DCC: variants seen among roughly 807,000 people sequenced by gnomAD.
DCC encodes the protein DCC netrin 1 receptor.
DCC carries 58 observed loss-of-function variants against 172.5 expected under a neutral mutation model. The observed-to-expected ratio is 0.34, with a 90% CI of 0.27 to 0.42. DCC has a LOEUF of 0.42. DCC is among the 10% of genes least tolerant of loss of function. The probability of loss-of-function intolerance (pLI) is 1.00; values close to 1 mark genes in which losing one functional copy is unlikely to be tolerated. For missense variants in DCC, 1,740 were observed against 1,791.0 expected (o/e 0.97, Z 0.51); for synonymous variants, 709 against 644.5 (o/e 1.10, Z -1.52).
intron 1 of DCC, among the ~76,000 whole-genome samples, chr18:52,429,421 T>C (rs1239837084): frequency 6.6e-6 from 1 of 152,128 alleles, no homozygotes; most frequent in Non-Finnish European, 1.5e-5. Context: ...CTTTTTAGGA[T>C]GCTAAAGCAC....
At chr18:52,757,950 G>A (rs8082968) in intron 2 of DCC, among the ~76,000 whole-genome samples, 1 of 151,916 alleles carries the variant, frequency 6.6e-6, no homozygotes, top group Non-Finnish European at 1.5e-5. Flanking sequence ...ATTTCAGAAC[G>A]CTGTAAACAA....
intron 1 of DCC, among the ~76,000 whole-genome samples, chr18:52,730,136 G>C (rs896907321): frequency 6.6e-6 from 1 of 152,142 alleles, no homozygotes. Flanking sequence ...GATTATGTAA[G>C]AGTAGAGGGC....
intron 25 of DCC, among the ~76,000 whole-genome samples, chr18:53,479,554 GA>G (rs2045807459): frequency 6.6e-6 from 1 of 152,192 alleles, no homozygotes; most frequent in Admixed American, 6.6e-5. Flanking sequence ...GAGTTATGCA[GA>G]CACAGTCAGA....
chr18:53,199,769 G>A (rs2055507073), intron 9 of DCC, among the ~76,000 whole-genome samples: 2 of 151,960 alleles, frequency 1.3e-5, no homozygotes, highest in Admixed American at 1.3e-4. Flanking sequence ...TATCTAACAA[G>A]CAAGCACTAT....
At chr18:53,130,865 G>A (rs770364118) in intron 7 of DCC, among the ~76,000 whole-genome samples, 37 of 151,728 alleles carry the variant, frequency 2.4e-4, no homozygotes, top group Non-Finnish European at 4.6e-4. Context: ...TTTTTTTCTC[G>A]ATTTCTGTGT....
At chr18:53,008,060 A>G (rs1156702283) in intron 5 of DCC, among the ~76,000 whole-genome samples, 1 of 152,144 alleles carries the variant, frequency 6.6e-6, no homozygotes, top group Non-Finnish European at 1.5e-5. Context: ...CAACACCAGA[A>G]TTTGTGCATA....
intron 8 of DCC, among the ~76,000 whole-genome samples, chr18:53,174,869 A>G (rs1381113242): frequency 6.6e-6 from 1 of 150,642 alleles, no homozygotes; most frequent in Non-Finnish European, 1.5e-5. Context: ...CAGAGACACA[A>G]CAAAAAAAGA....
At chr18:52,844,431 A>G (rs1177474069) in intron 2 of DCC, among the ~76,000 whole-genome samples, 1 of 152,180 alleles carries the variant, frequency 6.6e-6, no homozygotes, top group East Asian at 1.9e-4. Context: ...CCTTGGTCTC[A>G]TTAATACATG....
At chr18:53,192,476 C>T (rs369283758) in intron 9 of DCC, among the ~76,000 whole-genome samples, 3 of 151,930 alleles carry the variant, frequency 2.0e-5, no homozygotes, top group Non-Finnish European at 2.9e-5. Flanking sequence ...AAAAAAAGAT[C>T]AAGGTGTAAG....
intron 1 of DCC, among the ~76,000 whole-genome samples, chr18:52,640,617 C>CA (rs1422168495): frequency 2.7e-5 from 4 of 147,758 alleles, no homozygotes; most frequent in African/African-American, 1.0e-4. Flanking sequence ...ACAATAGCTG[C>CA]AAAAAAAAGA....
At chr18:53,284,945 T>C (rs75842726) in intron 12 of DCC, among the ~76,000 whole-genome samples, 3 of 152,206 alleles carry the variant, frequency 2.0e-5, no homozygotes, top group East Asian at 3.9e-4. Flanking sequence ...CCCTAGAGAT[T>C]TGTAGAACTT....
At position 52,657,443 on chromosome 18, in the gene DCC, C is replaced by T. The variant is rs185162271; in HGVS notation, c.92-94611C>T. ...GCCCCTTAGGAGAGGGTCAAGGTTT[C>T]CTAAGTGCAGGTGATCACTGTATTA... On this transcript the variant is annotated intron_variant, in intron 1 of 28. Coordinates refer to ENST00000442544, the MANE Select transcript of DCC (RefSeq NM_005215.4). 5.3e-3 allele frequency among the ~76,000 whole-genome samples: 809 copies of T among 152,280 alleles called. 12 individuals carry two copies. Among genetic ancestry groups the T allele is most frequent in the Middle Eastern group, 0.014 (4 of 294 alleles).
intron 9 of DCC, among the ~76,000 whole-genome samples, chr18:53,183,438 C>T (rs1328661293): frequency 6.6e-6 from 1 of 152,088 alleles, no homozygotes; most frequent in African/African-American, 2.4e-5. Context: ...CTGCTTAAGA[C>T]TTGTCTAATC....
intron 15 of DCC, among the ~76,000 whole-genome samples, chr18:53,383,684 A>G (rs1568096528): frequency 6.6e-6 from 1 of 151,574 alleles, no homozygotes; most frequent in African/African-American, 2.4e-5. Flanking sequence ...GTTTCCAGAC[A>G]TTTTTTAGCA....
At chr18:53,447,165 C>T (rs1210526127) in intron 22 of DCC, among the ~76,000 whole-genome samples, 1 of 152,178 alleles carries the variant, frequency 6.6e-6, no homozygotes. Flanking sequence ...TAGAAGTAAT[C>T]ATTCAGTATT....
At chr18:53,407,540 T>C (rs1212917268) in intron 19 of DCC, among the ~76,000 whole-genome samples, 1 of 145,460 alleles carries the variant, frequency 6.9e-6, no homozygotes, top group Non-Finnish European at 1.5e-5. Context: ...TATATATATA[T>C]ATATATATAT....
intron 12 of DCC, among the ~76,000 whole-genome samples, chr18:53,271,593 C>T (rs1414760689): frequency 6.6e-6 from 1 of 152,138 alleles, no homozygotes; most frequent in African/African-American, 2.4e-5. Flanking sequence ...GCTCCATGGA[C>T]CTCTCCATAG....
In DCC at chr18:52,776,112, C is replaced by T. The variant is rs1300864881; in HGVS notation, c.412+23738C>T. On this transcript the variant is annotated intron_variant, in intron 2 of 28. Coordinates refer to ENST00000442544, the MANE Select transcript of DCC (RefSeq NM_005215.4). ...ACTTAATATAAATTTACAACAGTAT[C>T]ACCAGACATTTACAAAATTTTTGCA... is the stretch of plus-strand genomic sequence containing the variant. Among the ~76,000 whole-genome samples, 3 of 152,152 alleles carry T rather than the reference C, an allele frequency of 2.0e-5. No homozygotes were observed. In the East Asian group the frequency reaches 5.8e-4, roughly 29 times the overall value.
At chr18:52,490,253 C>G (rs1455390151) in intron 1 of DCC, among the ~76,000 whole-genome samples, 2 of 152,042 alleles carry the variant, frequency 1.3e-5, no homozygotes, top group Non-Finnish European at 2.9e-5. Context: ...ATCTCTTATG[C>G]TGCAGTGAGG....
Sources: gnomAD v4.1 joint callset for allele counts (sites outside exome capture counted in the v4.1 genomes callset) on GRCh38, gnomAD v4.1.1 for gene constraint, MANE v1.5 for transcripts, NCBI Gene and HGNC (gene_info 2026-07-23, HGNC 2026-07-21) for gene names.